Variants in DDB2 observed in about 807,000 individuals in gnomAD.
DDB2 encodes damage specific DNA binding protein 2.
A neutral mutation model predicts 50.5 loss-of-function variants in DDB2; 27 were observed. The observed-to-expected ratio is 0.53, with a 90% confidence interval of 0.39 to 0.74. DDB2 has a LOEUF of 0.74. Ranked by LOEUF, DDB2 falls within the 30% of genes least tolerant of loss-of-function variation. DDB2 has a pLI of 0.00. For missense variants in DDB2, 424 were observed against 545.6 expected (o/e 0.78, Z 2.22); for synonymous variants, 176 against 205.5 (o/e 0.86, Z 1.23).
intron 3 of DDB2, among the ~76,000 whole-genome samples, chr11:47,231,753 C>G (rs1953653011): frequency 6.6e-6 from 1 of 152,042 alleles, no homozygotes; most frequent in Non-Finnish European, 1.5e-5. Flanking sequence ...CTCCTGGCCT[C>G]AAGCAATCCC....
At chr11:47,235,775 A>C in intron 7 of DDB2, 1 of 263,366 alleles carries the variant, frequency 3.8e-6, no homozygotes, top group Non-Finnish European at 7.4e-6. Context: ...TATTTTTTTT[A>C]AGGCAGGGTC....
At chr11:47,219,263 T>TA (rs1953447119) in intron 3 of DDB2, among the ~76,000 whole-genome samples, 1 of 152,250 alleles carries the variant, frequency 6.6e-6, no homozygotes, top group South Asian at 2.1e-4. Context: ...AAAATAATGA[T>TA]AAAATACATA....
chr11:47,215,796 A>G (rs190444068), intron 1 of DDB2: 1 of 273,842 alleles, frequency 3.7e-6, no homozygotes, highest in Admixed American at 5.1e-5. Flanking sequence ...TCGGACCTAT[A>G]GTGATTGGGT....
intron 1 of DDB2, chr11:47,215,499 A>G (rs1169810933): frequency 1.1e-5 from 6 of 565,970 alleles, no homozygotes; most frequent in Non-Finnish European, 1.9e-5. Context: ...GACTTGTCAG[A>G]TTCCTTGTTC....
chr11:47,217,929 CT>C (rs1258967540), intron 3 of DDB2, among the ~76,000 whole-genome samples: 2 of 152,116 alleles, frequency 1.3e-5, no homozygotes, highest in Non-Finnish European at 2.9e-5. Context: ...CCACATTGAC[CT>C]CATCTTACGC....
chr11:47,226,414 T>C (rs569679943), intron 3 of DDB2, among the ~76,000 whole-genome samples: 13 of 152,144 alleles, frequency 8.5e-5, no homozygotes, highest in Admixed American at 5.2e-4. Flanking sequence ...GCTGAGATTA[T>C]AGGCGCACAC....
intron 9 of DDB2, among the ~76,000 whole-genome samples, chr11:47,238,414 T>C (rs76383967): frequency 6.6e-6 from 1 of 152,142 alleles, no homozygotes; most frequent in African/African-American, 2.4e-5. Flanking sequence ...TTTTTTTTTT[T>C]TGAGACGGAG....
In DDB2 at chr11:47,216,415, C is replaced by G. The variant is rs758168272; in HGVS notation, c.207C>G (p.Ile69Met). 3 of 1,614,106 alleles carry G rather than the reference C, an allele frequency of 1.9e-6. No individual in the cohort carries two copies. The highest frequency in any genetic ancestry group is 1.7e-4 in the Middle Eastern group (1 of 5,968). Residue 69 changes from isoleucine to methionine, a missense_variant, in exon 2 of 10, where the codon ATC becomes ATG. Coordinates refer to ENST00000256996, the MANE Select transcript of DDB2 (RefSeq NM_000107.3). ...AGATCCTGCCACCATGCCGCAGCAT[C>G]GTCAGGACCCTCCACCAGCATAAGC... ...GPQILPPCRSIVRTLHQHKLG... is the reference protein window; with the variant it reads ...GPQILPPCRSMVRTLHQHKLG...
intron 4 of DDB2, among the ~76,000 whole-genome samples, chr11:47,233,917 G>A (rs1953686630): frequency 6.6e-6 from 1 of 152,116 alleles, no homozygotes; most frequent in African/African-American, 2.4e-5. Flanking sequence ...CTACTCTTCC[G>A]CAAGAAATCT....
chr11:47,219,274 T>C (rs548695031), intron 3 of DDB2, among the ~76,000 whole-genome samples: 1 of 152,370 alleles, frequency 6.6e-6, no homozygotes, highest in African/African-American at 2.4e-5. Context: ...AAAATACATA[T>C]AACATGAAAT....
At chr11:47,225,029 T>G (rs951942333) in intron 3 of DDB2, among the ~76,000 whole-genome samples, 3 of 151,988 alleles carry the variant, frequency 2.0e-5, no homozygotes, top group Non-Finnish European at 4.4e-5. Flanking sequence ...AACCTCCACC[T>G]CCCAGGTTCA....
intron 4 of DDB2, among the ~76,000 whole-genome samples, chr11:47,233,660 G>C (rs982236331): frequency 4.6e-5 from 7 of 150,636 alleles, no homozygotes; most frequent in African/African-American, 7.3e-5. Context: ...AGTGAGCCGA[G>C]ATGGCGCCAT....
chr11:47,234,423 C>T lies in DDB2; in HGVS notation c.603-150C>T, dbSNP rs145167998. 1.1e-3 allele frequency: 846 copies of T among 739,632 alleles called. 4 individuals carry two copies. In the African/African-American group the frequency reaches 0.013, roughly 12 times the overall value. 45.8% of individuals were successfully genotyped at this position (739,632 alleles called of 1,614,324 possible). ...GGACGGTAGAGCAGTCTGAATGTTC[C>T]TCACTAGGAATCCACGGCAAGACAG... On this transcript the variant is annotated intron_variant, in intron 4 of 9. Transcript: ENST00000256996.
chr11:47,228,368 C>CG (rs78290566), intron 3 of DDB2, among the ~76,000 whole-genome samples: 40,011 of 151,308 alleles, frequency 0.26, 6,582 homozygotes, highest in East Asian at 0.65. Flanking sequence ...TGGCTGGGTG[C>CG]GGTGGCTCAC....
chr11:47,224,588 A>G, intron 3 of DDB2, among the ~76,000 whole-genome samples: 1 of 152,214 alleles, frequency 6.6e-6, no homozygotes, highest in Middle Eastern at 3.4e-3. Flanking sequence ...AAGAAAAAGA[A>G]CAGTTCTTTT....
At chr11:47,226,009 A>C (rs2633080) in intron 3 of DDB2, among the ~76,000 whole-genome samples, 110,245 of 152,054 alleles carry the variant, frequency 0.73, 41,509 homozygotes, top group Non-Finnish European at 0.84. Flanking sequence ...TCTGTTTATT[A>C]ATTGACAGAC....
At chr11:47,238,757 T>C in intron 9 of DDB2, 43 bp from the exon 10 acceptor site, 1 of 1,608,984 alleles carries the variant, frequency 6.2e-7, no homozygotes, top group South Asian at 1.1e-5. Context: ...TCTGAGAGAT[T>C]GGTAACAGAA....
At chr11:47,234,967 A>T (rs533109058) in intron 6 of DDB2, 33 bp downstream of exon 6, 11 of 1,610,754 alleles carry the variant, frequency 6.8e-6, no homozygotes, top group African/African-American at 4.0e-5. Context: ...TCTCCTGCAG[A>T]CCCTGCCTGT....
chr11:47,227,139 T>G (rs1953571334), intron 3 of DDB2, among the ~76,000 whole-genome samples: 1 of 129,510 alleles, frequency 7.7e-6, no homozygotes, highest in Admixed American at 8.6e-5. Flanking sequence ...GGAGTTTTGC[T>G]CCTGTTGTAC....
Sources: gnomAD v4.1 joint callset for allele counts (sites outside exome capture counted in the v4.1 genomes callset) on GRCh38, gnomAD v4.1.1 for gene constraint, MANE v1.5 for transcripts, NCBI Gene and HGNC (gene_info 2026-07-23, HGNC 2026-07-21) for gene names.